Variants in DLG2 observed in about 807,000 individuals in gnomAD.
The protein encoded by DLG2 is discs large MAGUK scaffold protein 2, also known as disks large homolog 2.
Under a neutral mutation model 132.5 loss-of-function variants are expected in DLG2, and 45 were observed. The observed-to-expected ratio is 0.34, with a 90% CI of 0.27 to 0.44. The LOEUF is 0.44. Ranked by LOEUF, DLG2 falls within the 20% of genes least tolerant of loss-of-function variation. The pLI is 1.00. For synonymous variants in DLG2, 424 were observed against 419.6 expected (o/e 1.01, Z -0.13); for missense variants, 1,045 against 1,196.9 (o/e 0.87, Z 1.87).
At chr11:84,466,194 T>C (rs184230320) in intron 7 of DLG2, among the ~76,000 whole-genome samples, 43 of 151,282 alleles carry the variant, frequency 2.8e-4, no homozygotes, top group African/African-American at 7.7e-4. Context: ...AAATGCATCA[T>C]AGAATTGGAT....
At chr11:85,138,595 C>T (rs2152425974) in intron 5 of DLG2, among the ~76,000 whole-genome samples, 1 of 152,250 alleles carries the variant, frequency 6.6e-6, no homozygotes, top group East Asian at 1.9e-4. Context: ...TTCTATCTCC[C>T]AGAATTCCCA....
At chr11:84,600,459 C>T (rs1367282649) in intron 6 of DLG2, among the ~76,000 whole-genome samples, 3 of 152,126 alleles carry the variant, frequency 2.0e-5, no homozygotes, top group Non-Finnish European at 4.4e-5. Context: ...ATTCTCTCCA[C>T]AATACTGTGG....
chr11:83,873,849 T>C (rs1278382677), intron 16 of DLG2, among the ~76,000 whole-genome samples: 2 of 152,232 alleles, frequency 1.3e-5, no homozygotes, highest in Non-Finnish European at 2.9e-5. Context: ...ACCCTTTGGA[T>C]GACCATTTAC....
At chr11:84,066,154 C>G (rs1438101896) in intron 10 of DLG2, among the ~76,000 whole-genome samples, 1 of 152,032 alleles carries the variant, frequency 6.6e-6, no homozygotes, top group Non-Finnish European at 1.5e-5. Flanking sequence ...AAGCTATACA[C>G]CAAACCCCTA....
intron 6 of DLG2, among the ~76,000 whole-genome samples, chr11:84,703,753 G>C (rs995357846): frequency 1.3e-5 from 2 of 150,088 alleles, no homozygotes; most frequent in African/African-American, 4.9e-5. Context: ...TTAAATAAGA[G>C]AATAAAAATA....
intron 7 of DLG2, among the ~76,000 whole-genome samples, chr11:84,254,026 A>G (rs887727095): frequency 6.6e-6 from 1 of 152,128 alleles, no homozygotes; most frequent in African/African-American, 2.4e-5. Context: ...CTTAGTATGT[A>G]TTTTTAAAAA....
intron 15 of DLG2, among the ~76,000 whole-genome samples, chr11:83,926,109 G>GTTTTTTTTTTTTTTTTTTTTTT (rs1565666073): frequency 6.6e-6 from 1 of 152,118 alleles, no homozygotes; most frequent in African/African-American, 2.4e-5. Flanking sequence ...CAACTTCTCT[G>GTTTTTTTTTTTTTTTTTTTTTT]TTTTCTTTTA....
intron 18 of DLG2, among the ~76,000 whole-genome samples, chr11:83,660,101 TAAGAAA>T (rs1362262684): frequency 2.0e-5 from 3 of 152,218 alleles, no homozygotes; most frequent in African/African-American, 7.2e-5. Flanking sequence ...GGTCATACTT[TAAGAAA>T]AAGAAAATGT....
At chr11:83,869,254 C>T (rs61900045) in intron 16 of DLG2, among the ~76,000 whole-genome samples, 13,405 of 151,964 alleles carry the variant, frequency 0.088, 790 homozygotes, top group Middle Eastern at 0.19. Flanking sequence ...GAAAAAAAGA[C>T]GAGTCTTTTA....
At chr11:83,876,045 G>A (rs750206006) in intron 15 of DLG2, among the ~76,000 whole-genome samples, 6 of 152,128 alleles carry the variant, frequency 3.9e-5, no homozygotes, top group East Asian at 1.9e-4. Flanking sequence ...GAAAAGCATC[G>A]TAGTATTCAG....
At chr11:83,851,309 A>C (rs2059723683) in intron 16 of DLG2, among the ~76,000 whole-genome samples, 1 of 152,112 alleles carries the variant, frequency 6.6e-6, no homozygotes, top group Non-Finnish European at 1.5e-5. Flanking sequence ...TCCCTTATCC[A>C]ATCTGACGGG....
At chr11:83,553,722 C>G (rs929634915) in intron 19 of DLG2, among the ~76,000 whole-genome samples, 5 of 152,012 alleles carry the variant, frequency 3.3e-5, no homozygotes, top group Admixed American at 1.3e-4. Flanking sequence ...TTCAGTAGCT[C>G]TATTTAACTG....
chr11:84,988,473 T>C (rs2056741806), intron 6 of DLG2, among the ~76,000 whole-genome samples: 1 of 152,188 alleles, frequency 6.6e-6, no homozygotes, highest in African/African-American at 2.4e-5. Flanking sequence ...TATATGCCCA[T>C]AAATCAATGA....
At chr11:84,129,629 G>C (rs116091596) in intron 9 of DLG2, among the ~76,000 whole-genome samples, 1 of 151,940 alleles carries the variant, frequency 6.6e-6, no homozygotes, top group Non-Finnish European at 1.5e-5. Flanking sequence ...TTTTGAGAAC[G>C]TAAATTATGC....
intron 6 of DLG2, among the ~76,000 whole-genome samples, chr11:84,570,312 C>A (rs1055982397): frequency 2.0e-5 from 3 of 152,146 alleles, no homozygotes; most frequent in African/African-American, 7.2e-5. Context: ...CAGGTGTAAT[C>A]TCCTACAGGA....
chr11:83,598,901 G>C lies in DLG2; in HGVS notation c.1940+34310C>G, dbSNP rs558479032. 2.0e-5 allele frequency among the ~76,000 whole-genome samples: 3 copies of C among 152,244 alleles called. No homozygotes were observed. In the East Asian group the frequency reaches 5.8e-4, roughly 29 times the overall value. Reference sequence around the variant, plus strand: ...GCTACTGAGGTGTATAAAGCTGTCTGCCCCTGCCCTAAATCTGCCACACAT... The same window carrying C: ...GCTACTGAGGTGTATAAAGCTGTCTCCCCCTGCCCTAAATCTGCCACACAT... On this transcript the variant is annotated intron_variant, in intron 19 of 27. Coordinates refer to ENST00000376104, the MANE Select transcript of DLG2 (RefSeq NM_001142699.3).
At chr11:83,761,776 G>A (rs1221817996) in intron 18 of DLG2, among the ~76,000 whole-genome samples, 1 of 152,126 alleles carries the variant, frequency 6.6e-6, no homozygotes, top group Non-Finnish European at 1.5e-5. Flanking sequence ...TGGAGGCCGG[G>A]AGCTGTATCA....
intron 19 of DLG2, among the ~76,000 whole-genome samples, chr11:83,621,700 G>A (rs2061661360): frequency 6.6e-6 from 1 of 152,030 alleles, no homozygotes; most frequent in Non-Finnish European, 1.5e-5. Context: ...AAAAGAATAA[G>A]GCCTGGATCC....
intron 3 of DLG2, among the ~76,000 whole-genome samples, chr11:85,347,689 T>A (rs958865225): frequency 2.6e-5 from 4 of 151,990 alleles, no homozygotes; most frequent in African/African-American, 9.7e-5. Context: ...CTTTTGTCAG[T>A]TGATTTTTTA....
Sources: allele counts gnomAD v4.1 joint callset (sites outside exome capture counted in the v4.1 genomes callset), GRCh38; gene constraint gnomAD v4.1.1; transcripts MANE v1.5; gene names NCBI Gene and HGNC (gene_info 2026-07-23, HGNC 2026-07-21).